PRDM16: variants seen among roughly 807,000 people sequenced by gnomAD.
The protein encoded by PRDM16 is PR/SET domain 16, also known as histone-lysine N-methyltransferase PRDM16.
A neutral mutation model predicts 110.6 loss-of-function variants in PRDM16; 23 were observed. The observed-to-expected ratio is 0.21, with a 90% CI of 0.15 to 0.29. The LOEUF is 0.29. PRDM16 is among the 10% of genes least tolerant of loss of function. PRDM16 has a pLI of 1.00. For missense variants in PRDM16, 1,615 were observed against 1,794.3 expected (o/e 0.90, Z 1.81); for synonymous variants, 799 against 781.8 (o/e 1.02, Z -0.37).
Position 3,414,667 on chromosome 1 carries a change from C to A in PRDM16, c.2691+20C>A. 1.3e-6 allele frequency: 2 copies of A among 1,597,782 alleles called. No homozygotes were observed. Among genetic ancestry groups the A allele is most frequent in the South Asian group, 1.1e-5 (1 of 89,974 alleles). On this transcript the variant is annotated intron_variant, in intron 10 of 16. Transcript: ENST00000270722. Reference sequence around the variant, plus strand: ...CCCCAGGTACGTCCTCAGTGCAGGTCAGGGCGCCCTGTAACCCACACGCCA... The same window carrying A: ...CCCCAGGTACGTCCTCAGTGCAGGTAAGGGCGCCCTGTAACCCACACGCCA...
rs1036813430 is a variant in PRDM16, at chr1:3,208,912, C to T, written c.387+22438C>T. 7.2e-5 allele frequency among the ~76,000 whole-genome samples: 11 copies of T among 152,184 alleles called. No homozygotes were observed. Among genetic ancestry groups the T allele is most frequent in the African/African-American group, 2.7e-4 (11 of 41,434 alleles). ...ACGAGTGGGTGGAAAGTCTTGGGGACAGAAGAAACCTGGCTTTTCCCATGA... is the reference window on the plus strand; with the variant it reads ...ACGAGTGGGTGGAAAGTCTTGGGGATAGAAGAAACCTGGCTTTTCCCATGA... On this transcript the variant is annotated intron_variant, in intron 2 of 16. Transcript: ENST00000270722. The surrounding 1 kb of genome is among the most constrained non-coding windows in gnomAD (Gnocchi z 6.1).
chr1:3,119,969 A>C (rs1019678490), intron 1 of PRDM16, among the ~76,000 whole-genome samples: 28 of 140,064 alleles, frequency 2.0e-4, no homozygotes, highest in South Asian at 2.3e-4. Flanking sequence ...GGAGAGAGGA[A>C]GCAGCACCCA....
At chr1:3,415,811 G>A (rs1284949051) in intron 10 of PRDM16, among the ~76,000 whole-genome samples, 1 of 152,224 alleles carries the variant, frequency 6.6e-6, no homozygotes, top group Non-Finnish European at 1.5e-5. Flanking sequence ...AGAGAGAGAT[G>A]ACTAATAAGT....
intron 3 of PRDM16, among the ~76,000 whole-genome samples, chr1:3,264,529 C>T (rs560555938): frequency 6.8e-5 from 10 of 146,566 alleles, no homozygotes; most frequent in Admixed American, 2.0e-4. Flanking sequence ...CTGAGAACCC[C>T]GGGCCAGGAG....
At chr1:3,413,705 T>A (rs1199259057) in intron 9 of PRDM16, among the ~76,000 whole-genome samples, 2 of 152,116 alleles carry the variant, frequency 1.3e-5, no homozygotes, top group Non-Finnish European at 2.9e-5. Flanking sequence ...GCGCTCTCAG[T>A]GATGGGAAAG....
intron 1 of PRDM16, among the ~76,000 whole-genome samples, chr1:3,091,199 C>A (rs1372664871): frequency 6.6e-6 from 1 of 152,236 alleles, no homozygotes; most frequent in Non-Finnish European, 1.5e-5. Context: ...TTAAACCACA[C>A]AGAGCGCTTC....
chr1:3,217,470 A>G (rs1275619657), intron 2 of PRDM16, among the ~76,000 whole-genome samples: 4 of 152,322 alleles, frequency 2.6e-5, no homozygotes, highest in Admixed American at 2.6e-4. Context: ...GCCAGGTCAG[A>G]ACTCAAGAGG....
chr1:3,085,099 T>C lies in PRDM16; in HGVS notation c.37+15803T>C, dbSNP rs376924631. ...ATGGACAGCCTAGGCAGCAGAATAG[T>C]TACTTCTCACTGCCCCAGGCTGGTG... is the stretch of plus-strand genomic sequence containing the variant. On this transcript the variant is annotated intron_variant, in intron 1 of 16. Coordinates refer to ENST00000270722, the MANE Select transcript of PRDM16 (RefSeq NM_022114.4). 9.2e-5 allele frequency among the ~76,000 whole-genome samples: 14 copies of C among 152,256 alleles called. No homozygotes were observed. In the East Asian group the frequency reaches 2.3e-3, roughly 25 times the overall value.
intron 5 of PRDM16, among the ~76,000 whole-genome samples, chr1:3,400,971 A>G (rs956397754): frequency 1.3e-5 from 2 of 152,078 alleles, no homozygotes; most frequent in African/African-American, 4.8e-5. Context: ...TTGGTTGGCA[A>G]GGGGTGGGTG....
chr1:3,368,723 C>T (rs1642859381), intron 3 of PRDM16, among the ~76,000 whole-genome samples: 1 of 152,202 alleles, frequency 6.6e-6, no homozygotes, highest in Admixed American at 6.5e-5. Context: ...TTTTTATTCA[C>T]ATCCTGGTAA....
chr1:3,419,424 G>A (rs992625622), intron 12 of PRDM16, among the ~76,000 whole-genome samples: 1 of 152,212 alleles, frequency 6.6e-6, no homozygotes, highest in African/African-American at 2.4e-5. Context: ...CTCCCAACAG[G>A]CTTGTCATCC....
At chr1:3,381,922 G>T (rs763300422) in intron 3 of PRDM16, among the ~76,000 whole-genome samples, 3 of 152,240 alleles carry the variant, frequency 2.0e-5, no homozygotes, top group Non-Finnish European at 2.9e-5. Context: ...CAGGGGCTGT[G>T]AGTCCCCTGC....
chr1:3,233,769 G>A (rs1639473929), intron 2 of PRDM16, among the ~76,000 whole-genome samples: 2 of 152,318 alleles, frequency 1.3e-5, no homozygotes, highest in African/African-American at 4.8e-5. Flanking sequence ...GGTTTATGGT[G>A]TGGATCGTGG....
chr1:3,204,213 C>T (rs1299233690), intron 2 of PRDM16, among the ~76,000 whole-genome samples: 1 of 152,232 alleles, frequency 6.6e-6, no homozygotes, highest in Non-Finnish European at 1.5e-5. Context: ...GACTTGGCCG[C>T]TCACAGATAC....
chr1:3,299,481 C>T (rs1356671213), intron 3 of PRDM16, among the ~76,000 whole-genome samples: 1 of 119,850 alleles, frequency 8.3e-6, no homozygotes, highest in Non-Finnish European at 1.8e-5. Context: ...TATGCTGTGG[C>T]TGTGATGTTT....
rs1643593254 is a variant in PRDM16, at chr1:3,143,662, A to G, written c.38-42463A>G. ...CGGCTAATTTTTGTATTTTTAGTAG[A>G]GATGGGGTTTCATCATTGTGGTCAG... is the stretch of plus-strand genomic sequence containing the variant. On this transcript the variant is annotated intron_variant, in intron 1 of 16. Coordinates refer to ENST00000270722, the MANE Select transcript of PRDM16 (RefSeq NM_022114.4). The surrounding 1 kb of genome is among the most constrained non-coding windows in gnomAD (Gnocchi z 4.5). Among the ~76,000 whole-genome samples the G allele has an allele frequency of 6.6e-6, 1 of 152,088 alleles. No individual in the cohort carries two copies. The highest frequency in any genetic ancestry group is 2.1e-4 in the South Asian group (1 of 4,828).
chr1:3,192,427 C>T (rs1638335947), intron 2 of PRDM16, among the ~76,000 whole-genome samples: 1 of 152,166 alleles, frequency 6.6e-6, no homozygotes, highest in African/African-American at 2.4e-5. Flanking sequence ...AAGGAGTCAG[C>T]CCCTACATCC....
chr1:3,397,207 G>A (rs1643399074), intron 5 of PRDM16, among the ~76,000 whole-genome samples: 1 of 152,240 alleles, frequency 6.6e-6, no homozygotes, highest in African/African-American at 2.4e-5. Flanking sequence ...GAGGGAAAAT[G>A]CGGGGTCTGA....
chr1:3,272,494 G>C (rs184935892), intron 3 of PRDM16, among the ~76,000 whole-genome samples: 1 of 152,128 alleles, frequency 6.6e-6, no homozygotes, highest in Admixed American at 6.5e-5. Flanking sequence ...GGCTCCTTCC[G>C]GGACCTCGGG....
Sources: allele counts gnomAD v4.1 joint callset (sites outside exome capture counted in the v4.1 genomes callset), GRCh38; gene constraint gnomAD v4.1.1; non-coding constraint Gnocchi (gnomAD v3.1); transcripts MANE v1.5; gene names NCBI Gene and HGNC (gene_info 2026-07-23, HGNC 2026-07-21).